LRRC27: variants seen among roughly 807,000 people sequenced by gnomAD.
LRRC27 encodes leucine rich repeat containing 27, also known as leucine-rich repeat-containing protein 27.
Under a neutral mutation model 55.0 loss-of-function variants are expected in LRRC27, and 57 were observed. The ratio of observed to expected loss-of-function variants is 1.04; its 90% CI spans 0.84 to 1.29. The LOEUF is 1.29. Ranked by LOEUF, LRRC27 falls within the 50% of genes most tolerant of loss-of-function variation. The probability of loss-of-function intolerance (pLI) is 0.00; values close to 1 mark genes in which losing one functional copy is unlikely to be tolerated. For missense variants in LRRC27, 721 were observed against 651.5 expected, an observed-to-expected ratio of 1.11 and a Z score of -1.16; for synonymous variants, 278 against 251.9, an observed-to-expected ratio of 1.10 and a Z score of -0.98.
rs1268681625 is a variant in LRRC27 at position 132,374,885 on chromosome 10, C to T, written c.1417-181C>T. On this transcript the variant is annotated intron_variant, in intron 10 of 10. Transcript: ENST00000368614. The surrounding 1 kb of genome is among the most constrained non-coding windows in gnomAD (Gnocchi z 4.4). ...CTGGGAGCCGGCTGGAAGTAGGCTGCTGGGCCCCATTGCAGGGGGGACCGC... is the reference window on the plus strand; with the variant it reads ...CTGGGAGCCGGCTGGAAGTAGGCTGTTGGGCCCCATTGCAGGGGGGACCGC... Among the ~76,000 whole-genome samples the T allele has an allele frequency of 6.6e-6, 1 of 152,194 alleles. No individual in the cohort carries two copies. The highest frequency in any genetic ancestry group is 1.5e-5 in the Non-Finnish European group (1 of 68,028).
rs746963956 is a variant in LRRC27, at chr10:132,333,781, G to C, written c.210+47G>C. 4.8e-6 allele frequency: 7 copies of C among 1,444,216 alleles called. No homozygotes were observed. The South Asian group carries it at 8.2e-5, about 17-fold the overall frequency. The allele number at this position is 1,444,216 out of a possible 1,614,324, so 89.5% of individuals were successfully genotyped here. ...GCTGTGTGCCCACAGGTCCCCTATA[G>C]ACAGAAATGGGAATGTACCCCTGGG... On this transcript the variant is annotated intron_variant, in intron 2 of 10. Coordinates refer to ENST00000368614, the MANE Select transcript of LRRC27 (RefSeq NM_030626.3).
At chr10:132,351,953 C>T (rs1297929226) in intron 7 of LRRC27, among the ~76,000 whole-genome samples, 200 bp downstream of exon 7, 2 of 152,228 alleles carry the variant, frequency 1.3e-5, no homozygotes, top group African/African-American at 4.8e-5. Flanking sequence ...CGCACGGGCT[C>T]GCTTGTTTGC....
chr10:132,358,521 C>T (rs1399253348), intron 8 of LRRC27, among the ~76,000 whole-genome samples: 1 of 57,198 alleles, frequency 1.7e-5, no homozygotes, highest in Non-Finnish European at 3.0e-5. Context: ...GGGGAGGAGC[C>T]GAGGTGGTGG....
chr10:132,375,354 T>G lies in LRRC27; in HGVS notation c.*112T>G, dbSNP rs2069322603. ...AAGAGCGCCAGGTTCAGTGTTACCC[T>G]GAGGGCTGATTTCGCGCAGCCTGTT... On this transcript the variant is annotated 3_prime_UTR_variant, in exon 11 of 11. Transcript: ENST00000368614. The G allele has an allele frequency of 3.1e-6, 3 of 963,934 alleles. No homozygotes were observed. Among genetic ancestry groups the G allele is most frequent in the Non-Finnish European group, 4.6e-6 (3 of 658,480 alleles). The allele number at this position is 963,934 out of a possible 1,614,324, so 59.7% of individuals were successfully genotyped here. A position where few individuals can be genotyped will look rare whatever the true frequency, so the allele number is the denominator to read the frequency against.
rs2069363218 is a variant in LRRC27, at chr10:132,378,203, ATTG to A, written c.*2964_*2966del. Reference sequence around the variant, plus strand: ...AAAAAAAAAAAAAGATTCAATGTTCATTGTTATTTGTTGCTCCTTTGAAGGTAA... The same window carrying A: ...AAAAAAAAAAAAAGATTCAATGTTCATTATTTGTTGCTCCTTTGAAGGTAA... On this transcript the variant is annotated 3_prime_UTR_variant, in exon 11 of 11. Transcript: ENST00000368614. 1 of 151,378 alleles carries A rather than the reference ATTG, an allele frequency of 6.6e-6. No individual in the cohort carries two copies. Among genetic ancestry groups the A allele is most frequent in the Non-Finnish European group, 1.5e-5 (1 of 67,856 alleles). 9.4% of individuals were successfully genotyped at this position (151,378 alleles called of 1,614,324 possible).
intron 6 of LRRC27, 42 bp from the exon 7 acceptor site, chr10:132,351,565 G>C (rs1483295856): frequency 2.5e-6 from 4 of 1,595,928 alleles, no homozygotes; most frequent in South Asian, 1.1e-5. Context: ...ACCGTCACAG[G>C]GTTTTGTTAA....
In LRRC27 at chr10:132,337,690, T is replaced by A; in HGVS notation, c.336T>A (p.Ala112=). Residue 112 remains alanine (A), a synonymous_variant, in exon 3 of 11, where the codon GCT becomes GCA. Transcript: ENST00000368614. The part of the protein sequence containing the change: ...RIKALPSGIG[A]HQHLKTLLLE... ...AAGCGCTTCCTTCTGGGATTGGAGC[T>A]CACCAGTAAGTTGTTTATGTTTCCA... 1 of 1,613,772 alleles carries A rather than the reference T, an allele frequency of 6.2e-7. No homozygotes were observed. The highest frequency in any genetic ancestry group is 8.5e-7 in the Non-Finnish European group (1 of 1,179,882).
chr10:132,334,774 A>T (rs1356383258), intron 2 of LRRC27, among the ~76,000 whole-genome samples: 1 of 152,172 alleles, frequency 6.6e-6, no homozygotes, highest in Non-Finnish European at 1.5e-5. Context: ...AGCCCTGAAT[A>T]AGGGATCCAG....
Position 132,374,046 on chromosome 10 carries a change from C to T in LRRC27, c.1417-1020C>T, listed in dbSNP as rs1461641308. ...CTAGCCCACAGTTACGATATGGGGG[C>T]GGGGGAGGCTGCAGGGGTCTCCGGG... On this transcript the variant is annotated intron_variant, in intron 10 of 10. Coordinates refer to ENST00000368614, the MANE Select transcript of LRRC27 (RefSeq NM_030626.3). This position sits in a 1 kb window ranked among gnomAD's most constrained non-coding sequence, Gnocchi z 4.4. 6.6e-6 allele frequency among the ~76,000 whole-genome samples: 1 copy of T among 151,220 alleles called. No homozygotes were observed. The highest frequency in any genetic ancestry group is 1.5e-5 in the Non-Finnish European group (1 of 67,808).
upstream of LRRC27, chr10:132,330,410 T>G (rs1227671730): frequency 1.4e-6 from 1 of 716,936 alleles, no homozygotes; most frequent in Non-Finnish European, 2.6e-6. Flanking sequence ...ATGTCACTCC[T>G]CATTCTCTCC....
At chr10:132,366,023 G>T (rs1037604335) in intron 10 of LRRC27, among the ~76,000 whole-genome samples, 11 of 152,274 alleles carry the variant, frequency 7.2e-5, no homozygotes, top group Non-Finnish European at 2.9e-5. Context: ...ACATGAGAAG[G>T]AAAACATTTC....
intron 6 of LRRC27, among the ~76,000 whole-genome samples, chr10:132,349,378 A>G (rs1308389913): frequency 2.0e-5 from 3 of 152,186 alleles, no homozygotes; most frequent in Non-Finnish European, 2.9e-5. Context: ...AGGTTTGAAC[A>G]TTCAAAACAG....
intron 6 of LRRC27, among the ~76,000 whole-genome samples, chr10:132,349,855 A>T (rs571491102): frequency 6.6e-6 from 1 of 152,300 alleles, no homozygotes; most frequent in East Asian, 1.9e-4. Context: ...AGGGTGAGCC[A>T]TAGAGAACCA....
At position 132,337,747 on chromosome 10, in the gene LRRC27, T is replaced by C. The variant is rs767112365; in HGVS notation, c.341+52T>C. 12 of 1,589,302 alleles carry C rather than the reference T, an allele frequency of 7.6e-6. No individual in the cohort carries two copies. In the East Asian group the frequency reaches 2.7e-4, roughly 36 times the overall value. ...AAAAATCATCTTTTCAGTGCACGAG[T>C]GCCTGTTCTTTCGCTCCTTGTCCTT... On this transcript the variant is annotated intron_variant, in intron 3 of 10. Transcript: ENST00000368614.
At chr10:132,353,149 G>C (rs544241545) in intron 7 of LRRC27, 1 of 1,440,644 alleles carries the variant, frequency 6.9e-7, no homozygotes, top group African/African-American at 1.4e-5. Context: ...TTGGCCAGCG[G>C]GGGCCCCCAG....
intron 10 of LRRC27, among the ~76,000 whole-genome samples, chr10:132,370,216 G>A (rs2069182233): frequency 2.0e-5 from 3 of 152,140 alleles, no homozygotes; most frequent in Admixed American, 6.5e-5. Flanking sequence ...GTGTTTCTCT[G>A]TGATTAAAAA....
intron 7 of LRRC27, chr10:132,353,402 T>C (rs771428851): frequency 4.2e-5 from 43 of 1,032,686 alleles, no homozygotes; most frequent in Non-Finnish European, 4.9e-5. Context: ...AGCCACCCCG[T>C]TGTGTGTGTG....
chr10:132,337,699 A>T lies in LRRC27; in HGVS notation c.341+4A>T. Reference sequence around the variant, plus strand: ...CTTCTGGGATTGGAGCTCACCAGTAAGTTGTTTATGTTTCCAGATTTTAAA... The same window carrying T: ...CTTCTGGGATTGGAGCTCACCAGTATGTTGTTTATGTTTCCAGATTTTAAA... On this transcript the variant is annotated splice_donor_region_variant and intron_variant, in intron 3 of 10. Coordinates refer to ENST00000368614, the MANE Select transcript of LRRC27 (RefSeq NM_030626.3). 2 of 1,613,190 alleles carry T rather than the reference A, an allele frequency of 1.2e-6. No individual in the cohort carries two copies. Among genetic ancestry groups the T allele is most frequent in the Non-Finnish European group, 1.7e-6 (2 of 1,179,590 alleles).
intron 9 of LRRC27, among the ~76,000 whole-genome samples, chr10:132,362,356 G>C (rs2068661708): frequency 6.6e-6 from 1 of 152,186 alleles, no homozygotes; most frequent in Non-Finnish European, 1.5e-5. Flanking sequence ...GAGGGGAAGG[G>C]TAGGGGCTCA....
Sources: gnomAD v4.1 joint callset for allele counts (sites outside exome capture counted in the v4.1 genomes callset) on GRCh38, gnomAD v4.1.1 for gene constraint, Gnocchi (gnomAD v3.1) non-coding constraint, MANE v1.5 for transcripts, NCBI Gene and HGNC (gene_info 2026-07-23, HGNC 2026-07-21) for gene names.